The following PATJ variants were observed in gnomAD, a reference collection of about 807,000 sequenced individuals.
The protein encoded by PATJ is PATJ crumbs cell polarity complex component.
In PATJ, 190 loss-of-function variants were observed where a neutral mutation model predicts 224.9. The ratio of observed to expected loss-of-function variants is 0.84; its 90% CI spans 0.75 to 0.95. PATJ has a LOEUF of 0.95. PATJ is among the 40% of genes least tolerant of loss of function. PATJ has a pLI of 0.00. For missense variants in PATJ, 2,121 were observed against 2,270.3 expected (o/e 0.93, Z 1.34); for synonymous variants, 769 against 820.3 (o/e 0.94, Z 1.07).
chr1:61,924,106 C>T (rs1407608710), intron 26 of PATJ, among the ~76,000 whole-genome samples: 1 of 152,026 alleles, frequency 6.6e-6, no homozygotes, highest in African/African-American at 2.4e-5. Flanking sequence ...CACAATAGCT[C>T]ATGCCTGTAA....
chr1:62,100,531 G>A (rs577840424), intron 33 of PATJ: 34 of 605,018 alleles, frequency 5.6e-5, no homozygotes, highest in African/African-American at 5.2e-4. Context: ...CGCCTTAAAG[G>A]TCTCACCTCT....
intron 17 of PATJ, among the ~76,000 whole-genome samples, chr1:61,841,992 C>T (rs1301562638): frequency 6.6e-6 from 1 of 152,078 alleles, no homozygotes; most frequent in African/African-American, 2.4e-5. Flanking sequence ...GTGGTGTGCT[C>T]ATGGAGTGGA....
intron 29 of PATJ, among the ~76,000 whole-genome samples, chr1:62,037,120 C>T (rs1295916463): frequency 1.3e-5 from 2 of 152,044 alleles, no homozygotes; most frequent in African/African-American, 4.8e-5. Flanking sequence ...TGCGAACAGT[C>T]TAAGAACTTT....
chr1:61,809,143 T>TA (rs1451066308), intron 14 of PATJ, among the ~76,000 whole-genome samples: 1 of 152,150 alleles, frequency 6.6e-6, no homozygotes, highest in Non-Finnish European at 1.5e-5. Flanking sequence ...GAAGACAACT[T>TA]CGACAGTTTT....
intron 31 of PATJ, among the ~76,000 whole-genome samples, chr1:62,063,994 C>A (rs531166172): frequency 8.2e-4 from 125 of 152,234 alleles, no homozygotes; most frequent in Non-Finnish European, 9.7e-4. Context: ...CCTTTTATTT[C>A]TTTCTCTTGC....
At chr1:61,761,212 AG>A (rs1645952055) in intron 1 of PATJ, among the ~76,000 whole-genome samples, 1 of 152,070 alleles carries the variant, frequency 6.6e-6, no homozygotes, top group South Asian at 2.1e-4. Flanking sequence ...CCTGGATTCA[AG>A]TGATCCTTCT....
intron 17 of PATJ, among the ~76,000 whole-genome samples, chr1:61,845,588 T>C (rs11207846): frequency 0.019 from 2,888 of 152,296 alleles, 108 homozygotes; most frequent in African/African-American, 0.066. Context: ...CTGTATGCTT[T>C]ACCTTGCATT....
chr1:61,984,536 A>G (rs1424397863), intron 27 of PATJ, among the ~76,000 whole-genome samples: 3 of 151,870 alleles, frequency 2.0e-5, no homozygotes, highest in Non-Finnish European at 2.9e-5. Flanking sequence ...AGCTTATTTC[A>G]TTCTCCCACA....
At chr1:62,142,414 T>C (rs1558228668) in intron 41 of PATJ, among the ~76,000 whole-genome samples, 1 of 152,146 alleles carries the variant, frequency 6.6e-6, no homozygotes, top group Non-Finnish European at 1.5e-5. Flanking sequence ...CTCACCCTGC[T>C]CTGTGGAAAT....
chr1:62,009,232 A>T (rs1646282322), intron 28 of PATJ, among the ~76,000 whole-genome samples: 1 of 152,116 alleles, frequency 6.6e-6, no homozygotes, highest in African/African-American at 2.4e-5. Flanking sequence ...ATATATATTG[A>T]ACCTATTTAT....
chr1:62,139,266 T>C (rs1269452968), intron 41 of PATJ, among the ~76,000 whole-genome samples: 3 of 151,858 alleles, frequency 2.0e-5, no homozygotes, highest in Non-Finnish European at 2.9e-5. Flanking sequence ...CCGGGCGTGG[T>C]GGCGGGCGCC....
chr1:62,065,003 G>T (rs901262692), intron 31 of PATJ, among the ~76,000 whole-genome samples: 1 of 152,192 alleles, frequency 6.6e-6, no homozygotes, highest in African/African-American at 2.4e-5. Context: ...ATTGCCAATG[G>T]CAGAGTTCAA....
chr1:61,945,113 T>C (rs1174239262), intron 27 of PATJ, among the ~76,000 whole-genome samples: 1 of 152,148 alleles, frequency 6.6e-6, no homozygotes, highest in Non-Finnish European at 1.5e-5. Context: ...TACCAGCCAC[T>C]GCAAAAACAA....
intron 20 of PATJ, among the ~76,000 whole-genome samples, chr1:61,869,917 GGCA>G (rs1666066638): frequency 1.3e-5 from 2 of 152,212 alleles, no homozygotes; most frequent in African/African-American, 4.8e-5. Context: ...CAGGCCCAGC[GGCA>G]GCATCTAGGG....
intron 9 of PATJ, among the ~76,000 whole-genome samples, chr1:61,793,241 T>A (rs984429028): frequency 3.3e-5 from 5 of 152,068 alleles, no homozygotes; most frequent in African/African-American, 1.2e-4. Flanking sequence ...TCCACAGATA[T>A]GCGGGGCCCA....
At chr1:62,113,322 G>A (rs76627032) in intron 34 of PATJ, among the ~76,000 whole-genome samples, 2,137 of 152,186 alleles carry the variant, frequency 0.014, 25 homozygotes, top group Non-Finnish European at 0.022. Context: ...TTATGAAGTC[G>A]TTGTGATGTG....
At chr1:61,991,399 C>T in intron 28 of PATJ, 4 of 632,346 alleles carry the variant, frequency 6.3e-6, no homozygotes, top group Non-Finnish European at 5.9e-6. Context: ...TTTAGGGGAG[C>T]TAAATCATGG....
chr1:62,122,097 G>C (rs1488251625), intron 38 of PATJ, among the ~76,000 whole-genome samples: 1 of 152,068 alleles, frequency 6.6e-6, no homozygotes, highest in African/African-American at 2.4e-5. Context: ...GGGCCCGGTG[G>C]CTCATGCCTG....
rs539076966 is a variant in PATJ, at chr1:61,780,452, A to G, written c.849+5118A>G. On this transcript the variant is annotated intron_variant, in intron 7 of 43. Coordinates refer to ENST00000642238, the MANE Select transcript of PATJ (RefSeq NM_001350145.3). ...AGCACTGCAGCCTGGGCGACAGAGC[A>G]AGACTCTTTCTCAAAACAAACAAAC... Among the ~76,000 whole-genome samples the G allele has an allele frequency of 1.2e-3, 185 of 152,274 alleles. 1 individual carries two copies. The highest frequency in any genetic ancestry group is 3.7e-3 in the African/African-American group (155 of 41,546).
Sources: allele counts gnomAD v4.1 joint callset (sites outside exome capture counted in the v4.1 genomes callset), GRCh38; gene constraint gnomAD v4.1.1; transcripts MANE v1.5; gene names NCBI Gene and HGNC (gene_info 2026-07-23, HGNC 2026-07-21).